NEK4: variants seen among roughly 807,000 people sequenced by gnomAD.
NEK4 encodes NIMA related kinase 4.
NEK4 carries 86 observed loss-of-function variants against 98.4 expected under a neutral mutation model. The observed-to-expected ratio is 0.87, with a 90% confidence interval of 0.73 to 1.05. The LOEUF (loss-of-function observed/expected upper bound fraction) is 1.05, where lower values mean the gene tolerates loss of function less well. NEK4 is among the 50% of genes least tolerant of loss of function. The pLI is 0.00. For synonymous variants in NEK4, 328 were observed against 342.2 expected (o/e 0.96, Z 0.46); for missense variants, 898 against 950.3 (o/e 0.94, Z 0.72).
At chr3:52,770,625 GC>G in intron 1 of NEK4, 28 bp downstream of exon 1, 1 of 805,596 alleles carries the variant, frequency 1.2e-6, no homozygotes. Flanking sequence ...GCCCGCCCCC[GC>G]CCCTTGCCGG....
intron 15 of NEK4, among the ~76,000 whole-genome samples, chr3:52,720,196 T>TAGCTAGGACTACAGAC (rs766113175): frequency 6.6e-6 from 1 of 151,810 alleles, no homozygotes; most frequent in South Asian, 2.1e-4. Flanking sequence ...AGCAGATGAG[T>TAGCTAGGACTACAGAC]AGCTAGGACT....
In NEK4 at chr3:52,760,319, C is replaced by T. The variant is rs751417677; in HGVS notation, c.963+476G>A. On this transcript the variant is annotated intron_variant, in intron 6 of 15. Coordinates refer to ENST00000233027, the MANE Select transcript of NEK4 (RefSeq NM_003157.6). ...GCAACCTCCACCTCCCAGGTTCAAGCGATTCTCCTCCCTCAGCCTCCTGAG... is the reference window on the plus strand; with the variant it reads ...GCAACCTCCACCTCCCAGGTTCAAGTGATTCTCCTCCCTCAGCCTCCTGAG... Among the ~76,000 whole-genome samples, 5 of 152,082 alleles carry T rather than the reference C, an allele frequency of 3.3e-5. No homozygotes were observed. In the South Asian group the frequency reaches 6.2e-4, roughly 19 times the overall value.
At chr3:52,736,575 G>A (rs2097376318) in intron 15 of NEK4, among the ~76,000 whole-genome samples, 2 of 148,262 alleles carry the variant, frequency 1.3e-5, no homozygotes, top group African/African-American at 2.5e-5. Flanking sequence ...GACAGAGCGA[G>A]ACTCCGTCTC....
At chr3:52,743,163 A>G in intron 12 of NEK4, 189 bp downstream of exon 12, 3 of 519,760 alleles carry the variant, frequency 5.8e-6, no homozygotes, top group Non-Finnish European at 1.0e-5. Flanking sequence ...TGAAAAATTT[A>G]TTCCCTTAAT....
rs762693194 is a variant in NEK4, at chr3:52,752,325, T to C, written c.975A>G (p.Lys325=). Residue 325 remains lysine (K), a synonymous_variant, in exon 7 of 16, where the codon AAA becomes AAG. Coordinates refer to ENST00000233027, the MANE Select transcript of NEK4 (RefSeq NM_003157.6). ...CCCTGGGTTTCTCCTGGGACAAACA[T>C]TTGCCTTCACCCTGAATGAAAAGAT... ...GSQTYIMGEG[K]CLSQEKPRAS... The C allele has an allele frequency of 4.3e-6, 7 of 1,612,784 alleles. No individual in the cohort carries two copies. The South Asian group carries it at 7.7e-5, about 18-fold the overall frequency.
Position 52,761,522 on chromosome 3 carries a change from G to A in NEK4, c.822-586C>T, listed in dbSNP as rs564232189. On this transcript the variant is annotated intron_variant, in intron 5 of 15. Transcript: ENST00000233027. The stretch of plus-strand genomic sequence containing the variant: ...GCTGGTCTTAAACTCCTGACCTCAG[G>A]TGATCTGCCAGCCTCGGCCTCCCAA... 3.3e-5 allele frequency among the ~76,000 whole-genome samples: 5 copies of A among 152,230 alleles called. No homozygotes were observed. The South Asian group carries it at 1.0e-3, about 32-fold the overall frequency.
In NEK4 at chr3:52,752,123, C is replaced by G. The variant is rs1207742319; in HGVS notation, c.1177G>C (p.Ala393Pro). The G allele has an allele frequency of 6.2e-7, 1 of 1,614,174 alleles. No individual in the cohort carries two copies. Among genetic ancestry groups the G allele is most frequent in the Non-Finnish European group, 8.5e-7 (1 of 1,180,000 alleles). Reference sequence around the variant, plus strand: ...CATATACCTCCTAACTCATTAGAGGCATCCAAATATCTTGGCTGATTCTCC... The same window carrying G: ...CATATACCTCCTAACTCATTAGAGGGATCCAAATATCTTGGCTGATTCTCC... ...VQENQPRYLDASNELGGICSI... is the reference protein window; with the variant it reads ...VQENQPRYLDPSNELGGICSI... Residue 393 changes from alanine (A) to proline (P), a missense_variant, in exon 7 of 16, where the codon GCC (alanine) becomes CCC (proline). Coordinates refer to ENST00000233027, the MANE Select transcript of NEK4 (RefSeq NM_003157.6).
rs779295565 is a variant in NEK4, at chr3:52,766,179, TTA to T, written c.555_556del (p.Tyr185Ter). 2 of 1,613,126 alleles carry T rather than the reference TTA, an allele frequency of 1.2e-6. No homozygotes were observed. The highest frequency in any genetic ancestry group is 1.7e-6 in the Non-Finnish European group (2 of 1,179,134). ...CCAGCATACAGAGCCCAATCCTACCTTATAGTTGTAGGGTTTGTTTGAGAACA... is the reference window on the plus strand; with the variant it reads ...CCAGCATACAGAGCCCAATCCTACCTTAGTTGTAGGGTTTGTTTGAGAACA... On this transcript the variant is annotated stop_gained and frameshift_variant and splice_region_variant, in exon 3 of 16. Transcript: ENST00000233027. LOFTEE classifies it high-confidence loss of function.
rs139282033 is a variant in NEK4, at chr3:52,714,471, G to T, written c.2434-2602C>A. ...TGTGCCCCGCGCCCCTGAAGCAGCT[G>T]ACCAGGCCACGCCCACCTTCGCATG... On this transcript the variant is annotated intron_variant, in intron 15 of 15. Transcript: ENST00000233027. Among the ~76,000 whole-genome samples the T allele has an allele frequency of 3.6e-3, 549 of 152,316 alleles. 6 individuals carry two copies. The highest frequency in any genetic ancestry group is 0.012 in the African/African-American group (498 of 41,574).
rs886436274 is a variant in NEK4, at chr3:52,768,530, G to A, written c.168C>T (p.Leu56=). 14 of 1,614,098 alleles carry A rather than the reference G, an allele frequency of 8.7e-6. No homozygotes were observed. The African/African-American group carries it at 1.1e-4, about 12-fold the overall frequency. ...ERRAAEQEAQ[L]LSQLKHPNIV... Reference sequence around the variant, plus strand: ...TGTTGGGATGCTTCAACTGAGACAAGAGCTGGGCTTCCTGTTCAGCAGCTC... The same window carrying A: ...TGTTGGGATGCTTCAACTGAGACAAAAGCTGGGCTTCCTGTTCAGCAGCTC... The change falls in exon 2 of 16, where the codon CTC becomes CTT. Residue 56 remains leucine (L), a synonymous_variant. Transcript: ENST00000233027.
At chr3:52,761,042 C>T (rs1698337521) in intron 5 of NEK4, 106 bp from the exon 6 acceptor site, 1 of 709,666 alleles carries the variant, frequency 1.4e-6, no homozygotes, top group African/African-American at 1.8e-5. Context: ...TACAGAACTG[C>T]ACCATTTATA....
At chr3:52,744,555 G>A (rs552886107) in intron 10 of NEK4, among the ~76,000 whole-genome samples, 6 of 151,810 alleles carry the variant, frequency 4.0e-5, no homozygotes, top group African/African-American at 1.2e-4. Flanking sequence ...ATGGTGGTGC[G>A]TGCCTGTAAT....
rs1367389067 is a variant in NEK4 at position 52,710,884 on chromosome 3, G to T, written c.*893C>A. 6.6e-6 allele frequency: 1 copy of T among 152,210 alleles called. No individual in the cohort carries two copies. Among genetic ancestry groups the T allele is most frequent in the African/African-American group, 2.4e-5 (1 of 41,378 alleles). 9.4% of individuals were successfully genotyped at this position (152,210 alleles called of 1,614,324 possible). ...CTTCATAAAATTTCTTTCCTAGATG[G>T]GTATTACCTCTTATTAAACAACTAA... On this transcript the variant is annotated 3_prime_UTR_variant, in exon 16 of 16. Coordinates refer to ENST00000233027, the MANE Select transcript of NEK4 (RefSeq NM_003157.6).
At chr3:52,764,766 A>G (rs1471309951) in intron 4 of NEK4, among the ~76,000 whole-genome samples, 4 of 113,320 alleles carry the variant, frequency 3.5e-5, no homozygotes, top group African/African-American at 1.8e-4. Context: ...GCGCATGCAC[A>G]CACACACACA....
chr3:52,739,086 T>C (rs1463502318), intron 14 of NEK4, among the ~76,000 whole-genome samples: 2 of 152,180 alleles, frequency 1.3e-5, no homozygotes, highest in African/African-American at 4.8e-5. Flanking sequence ...AATAAACACA[T>C]GCTCTCCAGT....
chr3:52,768,346 C>G lies in NEK4; in HGVS notation c.352G>C (p.Ala118Pro). The change falls in exon 2 of 16, where the codon GCT becomes CCT. Residue 118 changes from alanine (A) to proline (P), a missense_variant. Ala to Pro is a conservative substitution (Grantham distance 27). Coordinates refer to ENST00000233027, the MANE Select transcript of NEK4 (RefSeq NM_003157.6). ...ATTAGTCTACACAGTACCTGCAAAG[C>G]CATGGCGATCTGTACAAACCACTCT... ...VVEWFVQIAM[A>P]LQYLHEKHIL... is the part of the protein sequence containing the mutation. The G allele has an allele frequency of 6.2e-7, 1 of 1,614,158 alleles. No homozygotes were observed. Among genetic ancestry groups the G allele is most frequent in the Middle Eastern group, 1.6e-4 (1 of 6,062 alleles).
chr3:52,745,646 G>A (rs977151202), intron 10 of NEK4, among the ~76,000 whole-genome samples: 7 of 151,864 alleles, frequency 4.6e-5, no homozygotes, highest in African/African-American at 1.7e-4. Flanking sequence ...TTGGCAAGAA[G>A]CAGAGCTAAG....
In NEK4 at chr3:52,751,963, G is replaced by A. The variant is rs765715530; in HGVS notation, c.1337C>T (p.Pro446Leu). The A allele has an allele frequency of 3.1e-6, 5 of 1,613,780 alleles. No homozygotes were observed. In the South Asian group the frequency reaches 5.5e-5, roughly 18 times the overall value. ...EKNEPVKPLQ[P>L]LIKEQKPKDQ... is the part of the protein sequence containing the mutation. Reference sequence around the variant, plus strand: ...CTTTGGCTTTTGTTCTTTGATTAGGGGCTGCAGAGGCTTCACTGGTTCATT... The same window carrying A: ...CTTTGGCTTTTGTTCTTTGATTAGGAGCTGCAGAGGCTTCACTGGTTCATT... The change falls in exon 7 of 16, where the codon CCC (proline) becomes CTC (leucine). Residue 446 changes from proline to leucine, a missense_variant. Transcript: ENST00000233027.
At chr3:52,748,061 G>A (rs1039200227) in intron 8 of NEK4, among the ~76,000 whole-genome samples, 8 of 151,804 alleles carry the variant, frequency 5.3e-5, no homozygotes, top group African/African-American at 1.5e-4. Flanking sequence ...CTGGGTTCAC[G>A]CCATTCTCCT....
Sources: gnomAD v4.1 joint callset for allele counts (sites outside exome capture counted in the v4.1 genomes callset) on GRCh38, gnomAD v4.1.1 for gene constraint, MANE v1.5 for transcripts, NCBI Gene and HGNC (gene_info 2026-07-23, HGNC 2026-07-21) for gene names.